The following DPP6 variants were observed in gnomAD, a reference collection of about 807,000 sequenced individuals.
DPP6 encodes the protein A-type potassium channel modulatory protein DPP6.
A neutral mutation model predicts 122.6 loss-of-function variants in DPP6; 69 were observed. The ratio of observed to expected loss-of-function variants is 0.56; its 90% CI spans 0.46 to 0.69. The LOEUF (loss-of-function observed/expected upper bound fraction) is 0.69, where lower values mean the gene tolerates loss of function less well. Among genes scored for constraint, DPP6 ranks in the 30% least tolerant of loss-of-function variants. The pLI is 0.00. For synonymous variants in DPP6, 418 were observed against 433.1 expected, an observed-to-expected ratio of 0.97 and a Z score of 0.43; for missense variants, 928 against 1,116.9, an observed-to-expected ratio of 0.83 and a Z score of 2.41.
intron 20 of DPP6, chr7:154,876,325 G>T (rs1326842594): frequency 2.5e-6 from 2 of 790,732 alleles, no homozygotes; most frequent in African/African-American, 1.8e-5. Context: ...AGGGTAGATT[G>T]TTGAGTTGAC....
intron 1 of DPP6, among the ~76,000 whole-genome samples, chr7:154,368,877 A>G (rs1563556206): frequency 6.6e-6 from 1 of 152,190 alleles, no homozygotes; most frequent in Non-Finnish European, 1.5e-5. Context: ...ATGAGCATTG[A>G]CGGCAAGCTG....
chr7:154,764,715 T>C (rs1298244942), intron 8 of DPP6, among the ~76,000 whole-genome samples: 1 of 152,214 alleles, frequency 6.6e-6, no homozygotes, highest in Admixed American at 6.5e-5. Context: ...CTTGCCCACT[T>C]TCCCCGAGTT....
At chr7:154,458,228 T>C (rs535723840) in intron 2 of DPP6, among the ~76,000 whole-genome samples, 16 of 152,198 alleles carry the variant, frequency 1.1e-4, no homozygotes, top group Non-Finnish European at 1.8e-4. Context: ...AATTGAATCA[T>C]GGGGGTGGGT....
At chr7:154,360,029 C>A (rs1811598785) in intron 1 of DPP6, among the ~76,000 whole-genome samples, 1 of 152,156 alleles carries the variant, frequency 6.6e-6, no homozygotes, top group South Asian at 2.1e-4. Context: ...TGCTGCTTGG[C>A]TTTGAGATGT....
At chr7:154,299,555 T>C (rs1233618315) in intron 1 of DPP6, among the ~76,000 whole-genome samples, 1 of 152,228 alleles carries the variant, frequency 6.6e-6, no homozygotes, top group Non-Finnish European at 1.5e-5. Flanking sequence ...TTTCTTTGGA[T>C]CCTGGCATGA....
intron 1 of DPP6, among the ~76,000 whole-genome samples, chr7:154,261,174 A>G (rs1802991286): frequency 6.6e-6 from 1 of 152,222 alleles, no homozygotes; most frequent in Non-Finnish European, 1.5e-5. Flanking sequence ...GATTACAGGC[A>G]TGAGCTGCCA....
At chr7:154,461,719 A>G (rs1563708554) in intron 2 of DPP6, among the ~76,000 whole-genome samples, 1 of 151,996 alleles carries the variant, frequency 6.6e-6, no homozygotes, top group African/African-American at 2.4e-5. Flanking sequence ...GGATTATTAG[A>G]TGTTTTCCTA....
chr7:154,377,815 T>C (rs1006706356), intron 1 of DPP6, among the ~76,000 whole-genome samples: 1 of 152,242 alleles, frequency 6.6e-6, no homozygotes, highest in African/African-American at 2.4e-5. Flanking sequence ...GAAAATGGGC[T>C]GATACAATCA....
the DPP6 span, among the ~76,000 whole-genome samples, chr7:153,866,569 G>T: frequency 6.6e-6 from 1 of 152,112 alleles, no homozygotes; most frequent in Non-Finnish European, 1.5e-5. Flanking sequence ...AGATGAGTAG[G>T]TTGCAAAAAT....
At chr7:154,018,441 C>A (rs1172215457) in intron 1 of DPP6, among the ~76,000 whole-genome samples, 1 of 152,168 alleles carries the variant, frequency 6.6e-6, no homozygotes, top group Non-Finnish European at 1.5e-5. Context: ...ACTAGTCTCC[C>A]AGTCATTCCT....
intron 18 of DPP6, among the ~76,000 whole-genome samples, 192 bp from the exon 19 acceptor site, chr7:154,872,432 T>C (rs1321078269): frequency 6.6e-6 from 1 of 152,186 alleles, no homozygotes; most frequent in Non-Finnish European, 1.5e-5. Flanking sequence ...TTCACACAGG[T>C]CGGGTGACTT....
At chr7:154,802,745 G>A (rs978579034) in intron 13 of DPP6, among the ~76,000 whole-genome samples, 9 of 151,518 alleles carry the variant, frequency 5.9e-5, no homozygotes, top group Admixed American at 5.3e-4. Context: ...ACTGAAGTAG[G>A]AGAATTGCTT....
Position 154,334,188 on chromosome 7 carries a change from GAA to G in DPP6, c.244-112012_244-112011del, listed in dbSNP as rs11302452. Among the ~76,000 whole-genome samples, 283 of 145,670 alleles carry G rather than the reference GAA, an allele frequency of 1.9e-3. 2 individuals carry two copies. The highest frequency in any genetic ancestry group is 4.3e-3 in the African/African-American group (168 of 39,490). ...TTCGTTTAAAAACATACAGAAAATG[GAA>G]AAAAAAAAAAAAACCTTTGCAAAGA... On this transcript the variant is annotated intron_variant, in intron 1 of 25. Transcript: ENST00000377770.
chr7:153,948,947 G>A (rs1471853640), intron 1 of DPP6, among the ~76,000 whole-genome samples: 1 of 151,946 alleles, frequency 6.6e-6, no homozygotes, highest in Non-Finnish European at 1.5e-5. Context: ...AACAAAAGAC[G>A]TGTGGTCTCT....
chr7:153,964,976 TTC>T (rs577317152), intron 1 of DPP6, among the ~76,000 whole-genome samples: 2 of 101,136 alleles, frequency 2.0e-5, no homozygotes, highest in African/African-American at 1.1e-4. Flanking sequence ...TTCATTTCTT[TTC>T]CCTTCCTTCC....
chr7:153,788,014 A>G, the DPP6 span, among the ~76,000 whole-genome samples: 102 of 152,196 alleles, frequency 6.7e-4, no homozygotes, highest in African/African-American at 2.4e-3. Context: ...ACTCAAGGCA[A>G]TAAATCATCT....
chr7:154,052,366 G>A (rs1025690067), upstream of DPP6: 166 of 153,636 alleles, frequency 1.1e-3, 1 homozygote, highest in Admixed American at 2.7e-3. The surrounding 1 kb of genome is among the most constrained non-coding windows in gnomAD (Gnocchi z 4.8). Context: ...GCTGCGCGAG[G>A]GGCCTGGGGG....
intron 4 of DPP6, among the ~76,000 whole-genome samples, chr7:154,548,068 G>C (rs1213345303): frequency 1.3e-5 from 2 of 151,936 alleles, no homozygotes; most frequent in Non-Finnish European, 2.9e-5. Context: ...AATTAGTGTG[G>C]CGTGGTGGCA....
intron 1 of DPP6, among the ~76,000 whole-genome samples, chr7:154,072,274 T>C (rs1803173258): frequency 1.3e-5 from 2 of 152,240 alleles, no homozygotes; most frequent in African/African-American, 2.4e-5. Context: ...GAAAGGCTCT[T>C]CTTTGAAGAA....
Sources: allele counts gnomAD v4.1 joint callset (sites outside exome capture counted in the v4.1 genomes callset), GRCh38; gene constraint gnomAD v4.1.1; non-coding constraint Gnocchi (gnomAD v3.1); transcripts MANE v1.5; gene names NCBI Gene and HGNC (gene_info 2026-07-23, HGNC 2026-07-21).